The following RPA1 variants were observed in gnomAD, a reference collection of about 807,000 sequenced individuals.
RPA1 encodes the protein replication protein A1.
RPA1 carries 49 observed loss-of-function variants against 83.0 expected under a neutral mutation model. The ratio of observed to expected loss-of-function variants is 0.59; its 90% CI spans 0.47 to 0.75. RPA1 has a LOEUF of 0.75. RPA1 is among the 30% of genes least tolerant of loss of function. The pLI is 0.00. For synonymous variants in RPA1, 279 were observed against 281.8 expected (o/e 0.99, Z 0.10); for missense variants, 693 against 776.1 (o/e 0.89, Z 1.27).
intron 1 of RPA1, among the ~76,000 whole-genome samples, chr17:1,840,620 G>A (rs897369783): frequency 3.3e-5 from 5 of 152,020 alleles, no homozygotes; most frequent in Non-Finnish European, 5.9e-5. Context: ...CTGTTGCCCC[G>A]ACTGGTCTCG....
intron 15 of RPA1, among the ~76,000 whole-genome samples, chr17:1,893,713 G>A (rs1914284053): frequency 1.3e-5 from 2 of 151,706 alleles, no homozygotes; most frequent in African/African-American, 4.8e-5. Flanking sequence ...TGCATTTGAG[G>A]AGTGAGAGAG....
rs1274612013 is a variant in RPA1, at chr17:1,897,665, C to G, written c.*490C>G. 1 of 162,678 alleles carries G rather than the reference C, an allele frequency of 6.1e-6. No homozygotes were observed. The highest frequency in any genetic ancestry group is 2.4e-5 in the African/African-American group (1 of 41,462). 10.1% of individuals were successfully genotyped at this position (162,678 alleles called of 1,614,324 possible). ...TGTCTTCCTAGAATTCGAAGGCTCT[C>G]TCTTTCTAGAGGTGCTACATAGTTG... On this transcript the variant is annotated 3_prime_UTR_variant, in exon 17 of 17. Coordinates refer to ENST00000254719, the MANE Select transcript of RPA1 (RefSeq NM_002945.5).
chr17:1,854,497 A>G (rs1201797281), intron 5 of RPA1, among the ~76,000 whole-genome samples: 1 of 152,060 alleles, frequency 6.6e-6, no homozygotes, highest in Non-Finnish European at 1.5e-5. Context: ...GTGCAGGAGG[A>G]CGAGACCAGC....
rs1185587353 is a variant in RPA1 at position 1,880,772 on chromosome 17, C to T, written c.1241+81C>T. The T allele has an allele frequency of 1.3e-5, 21 of 1,568,054 alleles. No individual in the cohort carries two copies. In the East Asian group the frequency reaches 4.5e-4, roughly 34 times the overall value. On this transcript the variant is annotated intron_variant, in intron 12 of 16. Transcript: ENST00000254719. ...TGGTTACAATCAGCATGGGAGCTTT[C>T]TGCCAAGCAGAAGCCTTCGTCCCTG...
At position 1,888,761 on chromosome 17, in the gene RPA1, T is replaced by G. The variant is rs971568313; in HGVS notation, c.1461T>G (p.Asn487Lys). 1 of 1,614,092 alleles carries G rather than the reference T, an allele frequency of 6.2e-7. No individual in the cohort carries two copies. The highest frequency in any genetic ancestry group is 1.3e-5 in the African/African-American group (1 of 75,010). Reference protein sequence around the residue: ...MYQACPTQDCNKKVIDQQNGL... With the variant: ...MYQACPTQDCKKKVIDQQNGL... Reference sequence around the variant, plus strand: ...AAGCCTGCCCGACTCAGGACTGCAATAAGAAAGTGATTGATCAACAGAATG... The same window carrying G: ...AAGCCTGCCCGACTCAGGACTGCAAGAAGAAAGTGATTGATCAACAGAATG... Residue 487 changes from asparagine (N) to lysine (K), a missense_variant, in exon 14 of 17, where the codon AAT becomes AAG. Transcript: ENST00000254719.
intron 14 of RPA1, among the ~76,000 whole-genome samples, chr17:1,889,722 G>A (rs916788915): frequency 6.6e-5 from 10 of 152,112 alleles, no homozygotes; most frequent in African/African-American, 1.9e-4. Context: ...GTTTAAGGCC[G>A]GGCACAGTGG....
chr17:1,896,900 C>T (rs900783877), intron 16 of RPA1, among the ~76,000 whole-genome samples, 171 bp from the exon 17 acceptor site: 4 of 152,160 alleles, frequency 2.6e-5, no homozygotes, highest in African/African-American at 9.7e-5. Context: ...CCTGTTCACT[C>T]GCCCAGCCCC....
chr17:1,866,663 G>A lies in RPA1; in HGVS notation c.362-5771G>A, dbSNP rs140268357. Among the ~76,000 whole-genome samples the A allele has an allele frequency of 8.9e-3, 1,351 of 152,200 alleles. 21 individuals are homozygous for A. The highest frequency in any genetic ancestry group is 0.032 in the African/African-American group (1,309 of 41,504). ...TTTAATAGATATGGGGTTTTACCAT[G>A]TTGGCCAGGCTGGTCTCAAACTCCT... On this transcript the variant is annotated intron_variant, in intron 5 of 16. Coordinates refer to ENST00000254719, the MANE Select transcript of RPA1 (RefSeq NM_002945.5).
rs17339018 is a variant in RPA1, at chr17:1,884,899, G to A, written c.1374+955G>A. ...TCATCTGAGTCGTAATCTTCTTGCTGGTGGGGGTTTGTTTCAGGGTTGATG... is the reference window on the plus strand; with the variant it reads ...TCATCTGAGTCGTAATCTTCTTGCTAGTGGGGGTTTGTTTCAGGGTTGATG... On this transcript the variant is annotated intron_variant, in intron 13 of 16. Transcript: ENST00000254719. The surrounding 1 kb of genome is among the most constrained non-coding windows in gnomAD (Gnocchi z 4.1). 6.6e-6 allele frequency among the ~76,000 whole-genome samples: 1 copy of A among 152,194 alleles called. No homozygotes were observed. The highest frequency in any genetic ancestry group is 6.5e-5 in the Admixed American group (1 of 15,276).
At chr17:1,864,492 T>C (rs1318270027) in intron 5 of RPA1, among the ~76,000 whole-genome samples, 2 of 151,916 alleles carry the variant, frequency 1.3e-5, no homozygotes, top group Non-Finnish European at 2.9e-5. Context: ...TGAGCTGAGA[T>C]TGCACCATTG....
Position 1,897,089 on chromosome 17 carries a change from G to A in RPA1, c.1765G>A (p.Ala589Thr). The A allele has an allele frequency of 3.2e-6, 5 of 1,573,012 alleles. No individual in the cohort carries two copies. Among genetic ancestry groups the A allele is most frequent in the Non-Finnish European group, 4.3e-6 (5 of 1,158,800 alleles). Reference protein sequence around the residue: ...ETYNDESRIKATVMDVKPVDY... With the variant: ...ETYNDESRIKTTVMDVKPVDY... ...TTTGAAGGACGAGTCTCGAATTAAG[G>A]CCACTGTGATGGACGTGAAGCCCGT... is the stretch of plus-strand genomic sequence containing the variant. Residue 589 changes from alanine to threonine, a missense_variant, in exon 17 of 17, where the codon GCC (alanine) becomes ACC (threonine). Transcript: ENST00000254719.
chr17:1,846,632 T>C (rs1458487603), intron 4 of RPA1, among the ~76,000 whole-genome samples: 1 of 152,104 alleles, frequency 6.6e-6, no homozygotes, highest in Non-Finnish European at 1.5e-5. Flanking sequence ...CCATATTCTT[T>C]TTTCTTCTGG....
intron 14 of RPA1, among the ~76,000 whole-genome samples, chr17:1,890,322 G>A (rs1352266588): frequency 6.6e-6 from 1 of 151,038 alleles, no homozygotes; most frequent in South Asian, 2.1e-4. Flanking sequence ...CATGATCGTG[G>A]CACTGCACTC....
chr17:1,882,858 G>C (rs1176298299), intron 12 of RPA1, among the ~76,000 whole-genome samples: 2 of 152,336 alleles, frequency 1.3e-5, no homozygotes, highest in South Asian at 2.1e-4. Context: ...TATAGCTTAC[G>C]GGTTGTTGAC....
chr17:1,889,335 A>AAT (rs1555595885), intron 14 of RPA1, among the ~76,000 whole-genome samples: 20 of 146,906 alleles, frequency 1.4e-4, no homozygotes, highest in African/African-American at 5.0e-4. Context: ...GTTTAAAAAA[A>AAT]TTTTTTTTTT....
intron 5 of RPA1, among the ~76,000 whole-genome samples, chr17:1,870,729 G>C (rs1287817608): frequency 6.6e-6 from 1 of 152,196 alleles, no homozygotes; most frequent in African/African-American, 2.4e-5. Context: ...TATAGAAATT[G>C]AATCTATGTG....
intron 5 of RPA1, among the ~76,000 whole-genome samples, chr17:1,858,815 G>A (rs573147534): frequency 1.3e-5 from 2 of 151,760 alleles, no homozygotes; most frequent in East Asian, 3.9e-4. Flanking sequence ...TTTAATTCTA[G>A]TATGATCAAA....
chr17:1,871,244 A>T (rs1913367898), intron 5 of RPA1, among the ~76,000 whole-genome samples: 1 of 152,218 alleles, frequency 6.6e-6, no homozygotes, highest in South Asian at 2.1e-4. Context: ...TCTCCATAGG[A>T]AGAACTAAAC....
chr17:1,872,199 CA>C lies in RPA1; in HGVS notation c.362-233del, dbSNP rs1334973106. 7.2e-6 allele frequency: 4 copies of C among 555,886 alleles called. No individual in the cohort carries two copies. The East Asian group carries it at 1.3e-4, about 18-fold the overall frequency. 34.4% of individuals were successfully genotyped at this position (555,886 alleles called of 1,614,324 possible). A position where few individuals can be genotyped will look rare whatever the true frequency, so the allele number is the denominator to read the frequency against. On this transcript the variant is annotated intron_variant, in intron 5 of 16. Coordinates refer to ENST00000254719, the MANE Select transcript of RPA1 (RefSeq NM_002945.5). ...GAACCTCATTAACACTGAAGGCTAT[CA>C]ATTCTAAGCAGGTGAAAGGTAGATG...
Sources: allele counts gnomAD v4.1 joint callset (sites outside exome capture counted in the v4.1 genomes callset), GRCh38; gene constraint gnomAD v4.1.1; non-coding constraint Gnocchi (gnomAD v3.1); transcripts MANE v1.5; gene names NCBI Gene and HGNC (gene_info 2026-07-23, HGNC 2026-07-21).